The following JMY variants were observed in gnomAD, a reference collection of about 807,000 sequenced individuals.
The protein encoded by JMY is junction-mediating and -regulatory protein.
A neutral mutation model predicts 103.3 loss-of-function variants in JMY; 46 were observed. The observed-to-expected ratio is 0.45, with a 90% CI of 0.35 to 0.57. JMY has a LOEUF of 0.57. Among genes scored for constraint, JMY ranks in the 20% least tolerant of loss-of-function variants. JMY has a pLI of 0.00. For missense variants in JMY, 1,238 were observed against 1,255.2 expected, an observed-to-expected ratio of 0.99 and a Z score of 0.21; for synonymous variants, 526 against 489.3, an observed-to-expected ratio of 1.07 and a Z score of -0.99.
At chr5:79,300,039 TGA>T in intron 4 of JMY, 112 bp from the exon 5 acceptor site, 1 of 651,356 alleles carries the variant, frequency 1.5e-6, no homozygotes, top group Non-Finnish European at 2.5e-6. Flanking sequence ...AGTTTCTTTC[TGA>T]GAGGAATTAC....
At chr5:79,237,705 T>G in intron 1 of JMY, 23 bp downstream of exon 1, 1 of 1,582,386 alleles carries the variant, frequency 6.3e-7, no homozygotes, top group Non-Finnish European at 8.6e-7. Context: ...GCTCCTAGTC[T>G]GGGCTCTACT....
intron 1 of JMY, among the ~76,000 whole-genome samples, chr5:79,267,517 A>G (rs936334905): frequency 4.6e-5 from 7 of 152,180 alleles, no homozygotes; most frequent in African/African-American, 1.7e-4. Context: ...TCAGTTAGCA[A>G]TATACATATA....
At chr5:79,285,563 CTCT>C (rs767733101) in intron 2 of JMY, among the ~76,000 whole-genome samples, 4,843 of 146,528 alleles carry the variant, frequency 0.033, 96 homozygotes, top group South Asian at 0.064. Context: ...TTCGATTTCT[CTCT>C]TTTTTTTTTT....
At chr5:79,273,775 G>C (rs1056999208) in intron 1 of JMY, among the ~76,000 whole-genome samples, 4 of 152,076 alleles carry the variant, frequency 2.6e-5, no homozygotes, top group African/African-American at 9.7e-5. Context: ...CTCGGGTTGT[G>C]GGGGAAGACC....
chr5:79,237,450 G>T lies in JMY; in HGVS notation c.800G>T (p.Trp267Leu). 6.2e-7 allele frequency: 1 copy of T among 1,613,792 alleles called. No homozygotes were observed. The highest frequency in any genetic ancestry group is 8.5e-7 in the Non-Finnish European group (1 of 1,179,980). The change falls in exon 1 of 11, where the codon TGG becomes TTG. Residue 267 changes from tryptophan (W) to leucine (L), a missense_variant. Transcript: ENST00000396137. Reference protein sequence around the residue: ...PVFPEEPSGMWTVLFGGAPEM... With the variant: ...PVFPEEPSGMLTVLFGGAPEM... ...TTCCCCGAGGAACCTTCGGGCATGT[G>T]GACTGTGCTGTTTGGGGGCGCCCCC...
intron 1 of JMY, among the ~76,000 whole-genome samples, chr5:79,241,265 C>A (rs567517602): frequency 2.0e-5 from 3 of 152,260 alleles, no homozygotes; most frequent in South Asian, 4.1e-4. Context: ...TTCTTTGCCA[C>A]CCCTAGTTCA....
chr5:79,291,389 C>T, intron 4 of JMY, 90 bp downstream of exon 4: 2 of 1,146,312 alleles, frequency 1.7e-6, no homozygotes, highest in Non-Finnish European at 2.4e-6. Context: ...ATTCGATAGG[C>T]AGTGATTTTA....
intron 2 of JMY, among the ~76,000 whole-genome samples, chr5:79,289,859 A>C (rs1746372558): frequency 6.6e-6 from 1 of 152,224 alleles, no homozygotes; most frequent in Admixed American, 6.5e-5. Context: ...ACACCTAAAA[A>C]CAATCAGTCT....
chr5:79,254,984 T>C (rs1344798461), intron 1 of JMY, among the ~76,000 whole-genome samples: 1 of 151,876 alleles, frequency 6.6e-6, no homozygotes. Flanking sequence ...GAATTTCTGC[T>C]TGGTTCTTTT....
chr5:79,313,621 T>G (rs1488030544), intron 8 of JMY, among the ~76,000 whole-genome samples: 2 of 152,200 alleles, frequency 1.3e-5, no homozygotes, highest in African/African-American at 4.8e-5. Context: ...ATAGGAAACT[T>G]TTTGCATACC....
chr5:79,302,018 G>A (rs1746748493), intron 6 of JMY, among the ~76,000 whole-genome samples: 2 of 150,588 alleles, frequency 1.3e-5, no homozygotes, highest in South Asian at 4.2e-4. Context: ...AGAAGGTGGA[G>A]GTTGCAGTGA....
intron 1 of JMY, among the ~76,000 whole-genome samples, chr5:79,273,722 C>G (rs1158269997): frequency 6.6e-6 from 1 of 152,206 alleles, no homozygotes; most frequent in Admixed American, 6.5e-5. Context: ...TTGCTTGAAT[C>G]CAAGAGTTCG....
At chr5:79,295,321 T>C (rs1354726270) in intron 4 of JMY, among the ~76,000 whole-genome samples, 2 of 152,228 alleles carry the variant, frequency 1.3e-5, no homozygotes, top group Admixed American at 1.3e-4. Context: ...GTGGCTACCT[T>C]ACTGAACAGA....
chr5:79,266,556 T>C (rs1033967085), intron 1 of JMY, among the ~76,000 whole-genome samples: 2 of 152,310 alleles, frequency 1.3e-5, no homozygotes, highest in East Asian at 1.9e-4. Context: ...GCAATATCCA[T>C]CACCTCAACC....
chr5:79,250,041 C>CT (rs1437670725), intron 1 of JMY, among the ~76,000 whole-genome samples: 1 of 152,144 alleles, frequency 6.6e-6, no homozygotes, highest in African/African-American at 2.4e-5. Context: ...AGCGTGGTAT[C>CT]TAATATAGAA....
At chr5:79,306,664 C>T (rs560698436) in intron 7 of JMY, among the ~76,000 whole-genome samples, 26 of 152,190 alleles carry the variant, frequency 1.7e-4, no homozygotes, top group Admixed American at 1.1e-3. Flanking sequence ...CCTCCCCTAC[C>T]GTCAACATCT....
intron 2 of JMY, chr5:79,284,548 A>G: frequency 6.5e-7 from 1 of 1,540,070 alleles, no homozygotes; most frequent in Non-Finnish European, 8.9e-7. Context: ...TCCTGACGTC[A>G]ACGTGAGCTT....
chr5:79,318,761 T>TATAGAGAGAGAG (rs1218912301), intron 10 of JMY, among the ~76,000 whole-genome samples: 2 of 53,604 alleles, frequency 3.7e-5, no homozygotes, highest in African/African-American at 3.3e-4. Context: ...TATATATATA[T>TATAGAGAGAGAG]AGAGAGAGAG....
chr5:79,277,995 C>G lies in JMY; in HGVS notation c.1118C>G (p.Ala373Gly), dbSNP rs373904471. 9 of 1,613,898 alleles carry G rather than the reference C, an allele frequency of 5.6e-6. No individual in the cohort carries two copies. The highest frequency in any genetic ancestry group is 7.6e-6 in the Non-Finnish European group (9 of 1,179,920). ...GAGGATGAAGCCTACAGCAGCCTTG[C>G]AGAAGCTACAACCGAACTCTATCAG... The part of the protein sequence containing the change: ...QMEDEAYSSL[A>G]EATTELYQYL... The change falls in exon 2 of 11, where the codon GCA becomes GGA. Residue 373 changes from alanine to glycine, a missense_variant. By Grantham distance (60) the Ala-to-Gly change is moderately conservative (BLOSUM62 0). Coordinates refer to ENST00000396137, the MANE Select transcript of JMY (RefSeq NM_152405.5).
Sources: gnomAD v4.1 joint callset for allele counts (sites outside exome capture counted in the v4.1 genomes callset) on GRCh38, gnomAD v4.1.1 for gene constraint, MANE v1.5 for transcripts, NCBI Gene and HGNC (gene_info 2026-07-23, HGNC 2026-07-21) for gene names.